Variants in GALNT13 observed in about 807,000 individuals in gnomAD.
The protein encoded by GALNT13 is polypeptide N-acetylgalactosaminyltransferase 13.
In GALNT13, 28 loss-of-function variants were observed where a neutral mutation model predicts 64.2. The ratio of observed to expected loss-of-function variants is 0.44; its 90% CI spans 0.32 to 0.60. GALNT13 has a LOEUF of 0.60. Ranked by LOEUF, GALNT13 falls within the 20% of genes least tolerant of loss-of-function variation. The probability of loss-of-function intolerance (pLI) is 0.05; values close to 1 mark genes in which losing one functional copy is unlikely to be tolerated. For synonymous variants in GALNT13, 214 were observed against 224.6 expected (o/e 0.95, Z 0.42); for missense variants, 577 against 669.8 (o/e 0.86, Z 1.53).
At chr2:154,149,678 T>C (rs922834910) in intron 4 of GALNT13, among the ~76,000 whole-genome samples, 1 of 152,204 alleles carries the variant, frequency 6.6e-6, no homozygotes, top group African/African-American at 2.4e-5. Context: ...TATTTTATTC[T>C]GTTTGAAGCA....
At chr2:153,702,942 A>C in the GALNT13 span, among the ~76,000 whole-genome samples, 1 of 152,190 alleles carries the variant, frequency 6.6e-6, no homozygotes, top group Non-Finnish European at 1.5e-5. Context: ...CATATTAAGA[A>C]GCTGGGAAAA....
chr2:153,962,552 CAA>C lies in GALNT13; in HGVS notation c.142+17914_142+17915del, dbSNP rs376951093. On this transcript the variant is annotated intron_variant, in intron 3 of 12. Transcript: ENST00000392825. ...TGAGAAATTCAATCAGAAAGGAAAA[CAA>C]CTGAGAGTAAGGTGATTACATTGTA... Among the ~76,000 whole-genome samples the C allele has an allele frequency of 8.0e-3, 1,223 of 152,198 alleles. 17 individuals are homozygous for C. Among genetic ancestry groups the C allele is most frequent in the African/African-American group, 0.028 (1,162 of 41,522 alleles).
the GALNT13 span, among the ~76,000 whole-genome samples, chr2:153,480,528 C>G: frequency 6.6e-6 from 1 of 151,990 alleles, no homozygotes; most frequent in East Asian, 1.9e-4. Context: ...TGAAAAATAC[C>G]TCACTCTCGG....
chr2:154,281,013 A>C (rs915222432), intron 8 of GALNT13, among the ~76,000 whole-genome samples: 4 of 152,210 alleles, frequency 2.6e-5, no homozygotes, highest in Non-Finnish European at 5.9e-5. Flanking sequence ...CTTTTGTCTT[A>C]ATAATCACTT....
the GALNT13 span, among the ~76,000 whole-genome samples, chr2:153,415,353 G>T: frequency 2.0e-5 from 3 of 152,082 alleles, no homozygotes; most frequent in Admixed American, 6.6e-5. Context: ...CTGAACCACG[G>T]TCACATAGGA....
intron 9 of GALNT13, among the ~76,000 whole-genome samples, chr2:154,316,527 T>C (rs966900810): frequency 2.0e-5 from 3 of 152,184 alleles, no homozygotes; most frequent in African/African-American, 7.2e-5. Context: ...TCTCAGTCCA[T>C]TTTCTTTTGC....
chr2:154,271,251 T>C (rs973197368), intron 8 of GALNT13, among the ~76,000 whole-genome samples: 3 of 152,026 alleles, frequency 2.0e-5, no homozygotes, highest in African/African-American at 7.2e-5. Flanking sequence ...ATATTTTTGG[T>C]TATGCTATTT....
chr2:153,866,938 A>G (rs1382139113), upstream of GALNT13, among the ~76,000 whole-genome samples: 1 of 152,198 alleles, frequency 6.6e-6, no homozygotes, highest in African/African-American at 2.4e-5. Flanking sequence ...AAAATATATC[A>G]TCTCTACTTT....
the GALNT13 span, among the ~76,000 whole-genome samples, chr2:153,299,023 G>A: frequency 4.6e-5 from 7 of 152,216 alleles, no homozygotes; most frequent in African/African-American, 1.4e-4. Flanking sequence ...GAGCACAAAC[G>A]TAAGACATCT....
At chr2:153,367,948 A>G in the GALNT13 span, among the ~76,000 whole-genome samples, 1 of 152,132 alleles carries the variant, frequency 6.6e-6, no homozygotes, top group Non-Finnish European at 1.5e-5. Flanking sequence ...GTAGATTTTT[A>G]TTGCAACCAT....
At chr2:154,144,278 A>G (rs1449041363) in intron 4 of GALNT13, among the ~76,000 whole-genome samples, 1 of 152,178 alleles carries the variant, frequency 6.6e-6, no homozygotes, top group Non-Finnish European at 1.5e-5. Context: ...ACTAATGTTG[A>G]AAAACTTACC....
the GALNT13 span, among the ~76,000 whole-genome samples, chr2:153,693,653 G>A: frequency 2.6e-5 from 4 of 151,958 alleles, no homozygotes; most frequent in Non-Finnish European, 4.4e-5. Context: ...GGAGGATAAG[G>A]GGGAAAAAGG....
chr2:153,843,645 A>T, the GALNT13 span, among the ~76,000 whole-genome samples: 9 of 152,224 alleles, frequency 5.9e-5, no homozygotes, highest in South Asian at 2.1e-4. Flanking sequence ...CAAAACATAA[A>T]ATCCAAGGTT....
At chr2:153,459,751 A>G in the GALNT13 span, among the ~76,000 whole-genome samples, 1 of 152,208 alleles carries the variant, frequency 6.6e-6, no homozygotes, top group South Asian at 2.1e-4. Flanking sequence ...TAATGCCCTC[A>G]TGGTATTTAT....
At chr2:153,283,363 C>G in the GALNT13 span, among the ~76,000 whole-genome samples, 1 of 152,178 alleles carries the variant, frequency 6.6e-6, no homozygotes, top group Non-Finnish European at 1.5e-5. Flanking sequence ...ACCTGGAGAT[C>G]TGCCTTAATG....
the GALNT13 span, among the ~76,000 whole-genome samples, chr2:153,807,595 G>A: frequency 2.0e-5 from 3 of 151,958 alleles, no homozygotes; most frequent in Non-Finnish European, 4.4e-5. Context: ...TGCTGTGTAT[G>A]CCAGACCTTT....
In GALNT13 at chr2:153,967,088, A is replaced by G. The variant is rs148382227; in HGVS notation, c.142+22449A>G. On this transcript the variant is annotated intron_variant, in intron 3 of 12. Transcript: ENST00000392825. The stretch of plus-strand genomic sequence containing the variant: ...TTGCTTGATTTAAAAAAATTATTTC[A>G]ATCACTTTGTTAAATTTCTCTGAGA... Among the ~76,000 whole-genome samples the G allele has an allele frequency of 5.9e-5, 9 of 152,202 alleles. No individual in the cohort carries two copies. In the East Asian group the frequency reaches 1.7e-3, roughly 30 times the overall value.
chr2:153,690,144 C>T, the GALNT13 span, among the ~76,000 whole-genome samples: 1 of 151,968 alleles, frequency 6.6e-6, no homozygotes, highest in African/African-American at 2.4e-5. Flanking sequence ...TTGATTCTTT[C>T]CTTATAGATT....
At chr2:154,099,654 C>A (rs1486759912) in intron 3 of GALNT13, among the ~76,000 whole-genome samples, 2 of 152,016 alleles carry the variant, frequency 1.3e-5, no homozygotes, top group Non-Finnish European at 2.9e-5. Context: ...TTTCCCAGCA[C>A]CGGTCAGGCA....
Sources: allele counts gnomAD v4.1 joint callset (sites outside exome capture counted in the v4.1 genomes callset), GRCh38; gene constraint gnomAD v4.1.1; transcripts MANE v1.5; gene names NCBI Gene and HGNC (gene_info 2026-07-23, HGNC 2026-07-21).